The following ZNF385D variants were observed in gnomAD, a reference collection of about 807,000 sequenced individuals.
ZNF385D encodes the protein zinc finger protein 659.
In ZNF385D, 15 loss-of-function variants were observed where a neutral mutation model predicts 35.8. That is an observed-to-expected ratio of 0.42 (90% CI 0.28 to 0.64). The LOEUF (loss-of-function observed/expected upper bound fraction) is 0.64. Among genes scored for constraint, ZNF385D ranks in the 30% least tolerant of loss-of-function variants. The pLI is 0.23. For missense variants in ZNF385D, 474 were observed against 494.6 expected, an observed-to-expected ratio of 0.96 and a Z score of 0.39; for synonymous variants, 212 against 186.8, an observed-to-expected ratio of 1.13 and a Z score of -1.10.
chr3:22,343,404 C>T (rs936050775), intron 2 of ZNF385D, among the ~76,000 whole-genome samples: 25 of 152,224 alleles, frequency 1.6e-4, no homozygotes, highest in African/African-American at 5.8e-4. Context: ...GACTTCAGTT[C>T]AGCCAGCCAG....
At chr3:21,882,556 G>T (rs572168256) in intron 3 of ZNF385D, among the ~76,000 whole-genome samples, 15 of 152,018 alleles carry the variant, frequency 9.9e-5, no homozygotes, top group Admixed American at 9.8e-4. Flanking sequence ...TTTTATTGTG[G>T]TTGTTTGGAA....
At chr3:21,980,726 C>A (rs910280410) in intron 3 of ZNF385D, among the ~76,000 whole-genome samples, 2 of 152,172 alleles carry the variant, frequency 1.3e-5, no homozygotes, top group Non-Finnish European at 2.9e-5. Flanking sequence ...TTTCTTCCAA[C>A]CTCAACCAGA....
intron 3 of ZNF385D, among the ~76,000 whole-genome samples, chr3:22,032,224 G>T (rs887143170): frequency 5.9e-5 from 9 of 152,272 alleles, no homozygotes; most frequent in Admixed American, 2.0e-4. Flanking sequence ...TTCAACCTCT[G>T]CCAGTTACCC....
intron 2 of ZNF385D, among the ~76,000 whole-genome samples, chr3:22,243,570 G>T (rs1262884961): frequency 6.6e-6 from 1 of 150,980 alleles, no homozygotes; most frequent in African/African-American, 2.5e-5. Flanking sequence ...AACAGGGAGA[G>T]AAATTAGCCT....
chr3:22,133,803 A>G (rs1369987922), intron 3 of ZNF385D: 1 of 151,938 alleles, frequency 6.6e-6, no homozygotes, highest in Non-Finnish European at 1.5e-5. Flanking sequence ...CAGAGGGGCC[A>G]TCCTACTTTT....
chr3:21,975,481 G>C (rs1703538419), intron 3 of ZNF385D, among the ~76,000 whole-genome samples: 1 of 151,956 alleles, frequency 6.6e-6, no homozygotes, highest in Non-Finnish European at 1.5e-5. Flanking sequence ...CCTAGTATTT[G>C]ATAGCACAAC....
chr3:21,455,017 C>A (rs1702704418), intron 4 of ZNF385D, among the ~76,000 whole-genome samples: 1 of 152,086 alleles, frequency 6.6e-6, no homozygotes, highest in Non-Finnish European at 1.5e-5. Context: ...ACCCAGGAAT[C>A]CAACTTACAA....
chr3:21,677,687 A>AG (rs1373362329), intron 1 of ZNF385D, among the ~76,000 whole-genome samples: 1 of 152,066 alleles, frequency 6.6e-6, no homozygotes, highest in African/African-American at 2.4e-5. Flanking sequence ...TATTTAAAGC[A>AG]GTCCTAATTT....
rs373967244 is a variant in ZNF385D, at chr3:21,815,982, C to T, written c.326-150954G>A. Among the ~76,000 whole-genome samples the T allele has an allele frequency of 9.7e-4, 147 of 152,268 alleles. 2 individuals carry two copies. In the South Asian group the frequency reaches 0.028, roughly 29 times the overall value. ...GTAGCACATTAAAAAGCTTAACTGC[C>T]ATGATCAAGTGGGCTTCATCCCAGG... On this transcript the variant is annotated intron_variant, in intron 3 of 5. Transcript: ENST00000494108.
intron 3 of ZNF385D, among the ~76,000 whole-genome samples, chr3:21,903,490 C>A (rs1331483917): frequency 6.6e-6 from 1 of 152,028 alleles, no homozygotes. Flanking sequence ...AGTCAAAAGG[C>A]CAAGTATCTA....
intron 2 of ZNF385D, among the ~76,000 whole-genome samples, chr3:21,616,806 A>T (rs1384939024): frequency 1.3e-5 from 2 of 152,210 alleles, no homozygotes; most frequent in African/African-American, 4.8e-5. Context: ...GATAAATAAG[A>T]TGAAAATTAC....
chr3:21,705,860 C>A (rs1485593617), intron 1 of ZNF385D, among the ~76,000 whole-genome samples: 1 of 152,116 alleles, frequency 6.6e-6, no homozygotes, highest in Non-Finnish European at 1.5e-5. Context: ...GCTTCCTGAC[C>A]CTGCAGTACC....
chr3:22,166,854 G>A (rs533593752), intron 3 of ZNF385D, among the ~76,000 whole-genome samples: 1 of 152,200 alleles, frequency 6.6e-6, no homozygotes, highest in South Asian at 2.1e-4. Context: ...GATAGGTGAA[G>A]TATAACGCCA....
At chr3:22,178,419 T>G (rs529604452) in intron 2 of ZNF385D, among the ~76,000 whole-genome samples, 1 of 152,342 alleles carries the variant, frequency 6.6e-6, no homozygotes, top group Non-Finnish European at 1.5e-5. Flanking sequence ...TTCACCCACT[T>G]GTTGATGGGG....
intron 3 of ZNF385D, among the ~76,000 whole-genome samples, chr3:21,943,886 G>C (rs1264652719): frequency 6.6e-6 from 1 of 152,110 alleles, no homozygotes; most frequent in African/African-American, 2.4e-5. Flanking sequence ...TGTTACATTT[G>C]ACGACAAGAA....
At chr3:21,828,289 T>C (rs909978490) in intron 3 of ZNF385D, among the ~76,000 whole-genome samples, 2 of 152,222 alleles carry the variant, frequency 1.3e-5, no homozygotes, top group Non-Finnish European at 2.9e-5. Flanking sequence ...AGGAAATCTT[T>C]GAATGTCAGT....
intron 3 of ZNF385D, among the ~76,000 whole-genome samples, chr3:22,077,276 A>G (rs1210215954): frequency 6.6e-6 from 1 of 151,936 alleles, no homozygotes. Context: ...TTATGTTCCC[A>G]TACAGAATTT....
intron 2 of ZNF385D, among the ~76,000 whole-genome samples, chr3:22,203,442 A>G (rs533663484): frequency 6.3e-4 from 96 of 152,264 alleles, no homozygotes; most frequent in African/African-American, 1.7e-3. Flanking sequence ...TGGTGGCTAC[A>G]AGGAGAGATC....
intron 3 of ZNF385D, among the ~76,000 whole-genome samples, chr3:22,044,593 T>A (rs914762837): frequency 6.6e-5 from 10 of 152,098 alleles, no homozygotes; most frequent in Non-Finnish European, 1.3e-4. Flanking sequence ...TTTTATTATG[T>A]AGGGAAGGTG....
Sources: gnomAD v4.1 joint callset for allele counts (sites outside exome capture counted in the v4.1 genomes callset) on GRCh38, gnomAD v4.1.1 for gene constraint, MANE v1.5 for transcripts, NCBI Gene and HGNC (gene_info 2026-07-23, HGNC 2026-07-21) for gene names.